The following ZNF507 variants were observed in gnomAD, a reference collection of about 807,000 sequenced individuals.
ZNF507 encodes zinc finger protein 507.
ZNF507 carries 29 observed loss-of-function variants against 80.0 expected under a neutral mutation model. The observed-to-expected ratio is 0.36, with a 90% CI of 0.27 to 0.49. ZNF507 has a LOEUF of 0.49. Among genes scored for constraint, ZNF507 ranks in the 20% least tolerant of loss-of-function variants. The pLI, the probability that ZNF507 is intolerant of heterozygous loss-of-function variation, is 0.98. For synonymous variants in ZNF507, 462 were observed against 422.5 expected (o/e 1.09, Z -1.15); for missense variants, 1,081 against 1,152.2 (o/e 0.94, Z 0.90).
At chr19:32,357,593 AC>A (rs1434210747) in intron 4 of ZNF507, 3 of 152,200 alleles carry the variant, frequency 2.0e-5, no homozygotes, top group Non-Finnish European at 4.4e-5. Flanking sequence ...TGATTTTGAC[AC>A]CACTGTAGCA....
At chr19:32,349,499 T>C (rs1331411924) in intron 2 of ZNF507, among the ~76,000 whole-genome samples, 1 of 152,260 alleles carries the variant, frequency 6.6e-6, no homozygotes, top group Non-Finnish European at 1.5e-5. Flanking sequence ...TTGTGTACCA[T>C]TGCGTTGTTT....
intron 4 of ZNF507, chr19:32,359,815 C>T (rs1967297844): frequency 6.6e-6 from 1 of 152,184 alleles, no homozygotes; most frequent in Non-Finnish European, 1.5e-5. Flanking sequence ...GCCGCTTTTC[C>T]TTTCTTGTTG....
In ZNF507 at chr19:32,354,294, G is replaced by A. The variant is rs768422293; in HGVS notation, c.1464G>A (p.Glu488=). The A allele has an allele frequency of 6.2e-7, 1 of 1,614,156 alleles. No individual in the cohort carries two copies. Among genetic ancestry groups the A allele is most frequent in the Non-Finnish European group, 8.5e-7 (1 of 1,180,034 alleles). Residue 488 remains glutamate (E), a synonymous_variant, in exon 3 of 7, where the codon GAG becomes GAA. Coordinates refer to ENST00000355898, the MANE Select transcript of ZNF507 (RefSeq NM_001136156.2). ...CAGGCCGGAGAAGGACAAATTCTGA[G>A]TCTCTTCGATTACACTCATTAGCTG... is the stretch of plus-strand genomic sequence containing the variant. ...APPGRRRTNS[E]SLRLHSLAAE... is the part of the protein sequence containing the mutation.
intron 5 of ZNF507, among the ~76,000 whole-genome samples, chr19:32,378,236 C>G (rs1187201223): frequency 6.6e-6 from 1 of 152,074 alleles, no homozygotes; most frequent in African/African-American, 2.4e-5. Context: ...ACCTGTAATC[C>G]CAGCTACTCG....
At chr19:32,380,738 T>C in intron 5 of ZNF507, 1 of 971,064 alleles carries the variant, frequency 1.0e-6, no homozygotes, top group Non-Finnish European at 1.6e-6. Context: ...ACCCAGCAAT[T>C]ATGCTCCTGA....
At position 32,353,229 on chromosome 19, in the gene ZNF507, A is replaced by G. The variant is rs1354358003; in HGVS notation, c.399A>G (p.Leu133=). ...MSYQCSLCKF[L]SSSFSVLKDH... Reference sequence around the variant, plus strand: ...ATCAGTGTAGCCTTTGTAAGTTTCTATCATCATCCTTTTCCGTGTTAAAAG... The same window carrying G: ...ATCAGTGTAGCCTTTGTAAGTTTCTGTCATCATCCTTTTCCGTGTTAAAAG... Residue 133 remains leucine (L), a synonymous_variant, in exon 3 of 7, where the codon CTA becomes CTG. Coordinates refer to ENST00000355898, the MANE Select transcript of ZNF507 (RefSeq NM_001136156.2). 3 of 1,614,226 alleles carry G rather than the reference A, an allele frequency of 1.9e-6. No homozygotes were observed. Among genetic ancestry groups the G allele is most frequent in the East Asian group, 4.5e-5 (2 of 44,888 alleles).
At chr19:32,374,223 T>G (rs1017676660) in intron 5 of ZNF507, among the ~76,000 whole-genome samples, 4 of 150,622 alleles carry the variant, frequency 2.7e-5, no homozygotes, top group African/African-American at 4.9e-5. Flanking sequence ...TTGTTAGGCT[T>G]CTTCTTGTGT....
At chr19:32,346,826 C>A (rs922183523) in intron 1 of ZNF507, among the ~76,000 whole-genome samples, 3 of 152,170 alleles carry the variant, frequency 2.0e-5, no homozygotes, top group Non-Finnish European at 2.9e-5. Context: ...TGTGTCATAT[C>A]TTTTTATGCT....
At position 32,360,516 on chromosome 19, in the gene ZNF507, C is replaced by T. The variant is rs1369572900; in HGVS notation, c.2258C>T (p.Ser753Leu). The T allele has an allele frequency of 6.4e-7, 1 of 1,565,716 alleles. No homozygotes were observed. Among genetic ancestry groups the T allele is most frequent in the Non-Finnish European group, 8.6e-7 (1 of 1,158,818 alleles). Residue 753 changes from serine to leucine, a missense_variant, in exon 5 of 7, where the codon TCA becomes TTA. Physicochemically the swap from Ser to Leu is moderately radical, Grantham distance 145 (BLOSUM62 -2). Transcript: ENST00000355898. ...GKCVQEGNKS[S>L]VQKQYRCDVC... ...ATACCTTGTCTAGGGAATAAGTCTTCAGTCCAGAAACAATATAGATGTGAT... is the reference window on the plus strand; with the variant it reads ...ATACCTTGTCTAGGGAATAAGTCTTTAGTCCAGAAACAATATAGATGTGAT...
rs1967647480 is a variant in ZNF507, at chr19:32,383,244, A to G, written c.*161A>G. The G allele has an allele frequency of 1.1e-6, 1 of 889,264 alleles. No individual in the cohort carries two copies. Among genetic ancestry groups the G allele is most frequent in the South Asian group, 1.8e-5 (1 of 55,354 alleles). The allele number at this position is 889,264 out of a possible 1,614,324, so 55.1% of individuals were successfully genotyped here. ...TGGAACCAAACTTGTAATAAAAGGA[A>G]TTCCAAATGGACAAGCAGTAATGAT... On this transcript the variant is annotated 3_prime_UTR_variant, in exon 7 of 7. Transcript: ENST00000355898.
At chr19:32,366,200 CCTCT>C (rs909160979) in intron 5 of ZNF507, among the ~76,000 whole-genome samples, 13 of 152,090 alleles carry the variant, frequency 8.5e-5, no homozygotes, top group African/African-American at 2.2e-4. Flanking sequence ...TCCCTCCCTC[CCTCT>C]AAATTTTTTA....
chr19:32,386,436 A>G lies in ZNF507; in HGVS notation c.*3353A>G, dbSNP rs1202436997. ...CTCTAAGTAATATTCGATAAAATAT[A>G]TTTAATAGAAATTTGCGTTTGATAT... On this transcript the variant is annotated 3_prime_UTR_variant, in exon 7 of 7. Coordinates refer to ENST00000355898, the MANE Select transcript of ZNF507 (RefSeq NM_001136156.2). The G allele has an allele frequency of 6.6e-6, 1 of 152,624 alleles. No individual in the cohort carries two copies. The highest frequency in any genetic ancestry group is 1.5e-5 in the Non-Finnish European group (1 of 68,044). The allele number at this position is 152,624 out of a possible 1,614,324, so 9.5% of individuals were successfully genotyped here. A position where few individuals can be genotyped will look rare whatever the true frequency, so the allele number is the denominator to read the frequency against.
At chr19:32,381,248 T>A (rs1967618922) in intron 5 of ZNF507, among the ~76,000 whole-genome samples, 1 of 152,020 alleles carries the variant, frequency 6.6e-6, no homozygotes. Flanking sequence ...TACAGGGCAT[T>A]TTTAGGGCAG....
At position 32,356,558 on chromosome 19, in the gene ZNF507, T is replaced by G. The variant is rs111533576; in HGVS notation, c.2128-58T>G. The stretch of plus-strand genomic sequence containing the variant: ...GCAATGAACCTGTTCTTCTACAGCC[T>G]CCTAAGAGTTGGACATGTATATTTA... On this transcript the variant is annotated intron_variant, in intron 3 of 6. Coordinates refer to ENST00000355898, the MANE Select transcript of ZNF507 (RefSeq NM_001136156.2). 26 of 1,233,424 alleles carry G rather than the reference T, an allele frequency of 2.1e-5. No homozygotes were observed. The African/African-American group carries it at 3.1e-4, about 15-fold the overall frequency. 76.4% of individuals were successfully genotyped at this position (1,233,424 alleles called of 1,614,324 possible).
intron 5 of ZNF507, among the ~76,000 whole-genome samples, chr19:32,374,620 T>G (rs1484591030): frequency 6.6e-6 from 1 of 152,048 alleles, no homozygotes; most frequent in Non-Finnish European, 1.5e-5. Flanking sequence ...TAGCTGGGAT[T>G]ACAGGCACCC....
chr19:32,375,935 G>A (rs1967540534), intron 5 of ZNF507, among the ~76,000 whole-genome samples: 3 of 152,090 alleles, frequency 2.0e-5, no homozygotes, highest in Admixed American at 2.0e-4. Flanking sequence ...GCACATGCTG[G>A]TGCACAAATT....
intron 5 of ZNF507, among the ~76,000 whole-genome samples, chr19:32,369,209 AC>A (rs1967437804): frequency 6.6e-6 from 1 of 152,226 alleles, no homozygotes; most frequent in African/African-American, 2.4e-5. Context: ...TTATTGGTTA[AC>A]ATAGAAATTG....
rs1415985833 is a variant in ZNF507 at position 32,383,775 on chromosome 19, C to T, written c.*692C>T. The T allele has an allele frequency of 1.3e-5, 2 of 152,136 alleles. No individual in the cohort carries two copies. Among genetic ancestry groups the T allele is most frequent in the Admixed American group, 1.3e-4 (2 of 15,268 alleles). 9.4% of individuals were successfully genotyped at this position (152,136 alleles called of 1,614,324 possible). A position where few individuals can be genotyped will look rare whatever the true frequency, so the allele number is the denominator to read the frequency against. On this transcript the variant is annotated 3_prime_UTR_variant, in exon 7 of 7. Transcript: ENST00000355898. ...CGATGAATTTCTTGTGAGCAGAGGA[C>T]GAAACAGGTGAATTCTCACCAGACT... is the stretch of plus-strand genomic sequence containing the variant.
chr19:32,372,958 G>A (rs540902505), intron 5 of ZNF507, among the ~76,000 whole-genome samples: 12 of 152,260 alleles, frequency 7.9e-5, no homozygotes, highest in South Asian at 2.1e-4. Context: ...TGTTGCTTAC[G>A]GTTCTGGAGG....
Sources: gnomAD v4.1 joint callset for allele counts (sites outside exome capture counted in the v4.1 genomes callset) on GRCh38, gnomAD v4.1.1 for gene constraint, MANE v1.5 for transcripts, NCBI Gene and HGNC (gene_info 2026-07-23, HGNC 2026-07-21) for gene names.